The following GLB1L2 variants were observed in gnomAD, a reference collection of about 807,000 sequenced individuals.
The protein encoded by GLB1L2 is beta-galactosidase-1-like protein 2.
Under a neutral mutation model 84.1 loss-of-function variants are expected in GLB1L2, and 68 were observed. The observed-to-expected ratio is 0.81, with a 90% CI of 0.67 to 0.99. The LOEUF is 0.99. Ranked by LOEUF, GLB1L2 falls within the 50% of genes least tolerant of loss-of-function variation. The probability of loss-of-function intolerance (pLI) is 0.00; values close to 1 mark genes in which losing one functional copy is unlikely to be tolerated. For synonymous variants in GLB1L2, 290 were observed against 318.0 expected (o/e 0.91, Z 0.94); for missense variants, 762 against 805.6 (o/e 0.95, Z 0.66).
intron 8 of GLB1L2, 64 bp downstream of exon 8, chr11:134,364,462 C>A: frequency 7.7e-7 from 1 of 1,297,264 alleles, no homozygotes; most frequent in Admixed American, 1.8e-5. Context: ...ATTCTGAATG[C>A]CTGTCAGCGT....
chr11:134,374,809 G>T, intron 18 of GLB1L2, 91 bp downstream of exon 18: 2 of 1,213,024 alleles, frequency 1.6e-6, no homozygotes, highest in Non-Finnish European at 1.2e-6. Flanking sequence ...GGGCGTGTCA[G>T]CGGGTTCTTC....
chr11:134,336,247 G>A (rs565777100), intron 1 of GLB1L2, among the ~76,000 whole-genome samples: 14 of 152,212 alleles, frequency 9.2e-5, no homozygotes, highest in African/African-American at 3.4e-4. Context: ...AAGTTATTTT[G>A]TGAGTAGGCA....
chr11:134,373,117 G>T (rs1943978909), intron 15 of GLB1L2, among the ~76,000 whole-genome samples: 1 of 152,176 alleles, frequency 6.6e-6, no homozygotes. Flanking sequence ...GCCCTGCAAA[G>T]CCTCTCCACA....
In GLB1L2 at chr11:134,339,671, C is replaced by T. The variant is rs117959046; in HGVS notation, c.87-3083C>T. ...TGTGTTATAAAGACACTAGCAAAGA[C>T]AAGCTCTATCCAGGGAGGGAGTCTA... On this transcript the variant is annotated intron_variant, in intron 1 of 18. Coordinates refer to ENST00000535456, the MANE Select transcript of GLB1L2 (RefSeq NM_001370461.1). This position sits in a 1 kb window ranked among gnomAD's most constrained non-coding sequence, Gnocchi z 5.7. Among the ~76,000 whole-genome samples, 3,376 of 152,036 alleles carry T rather than the reference C, an allele frequency of 0.022. 61 individuals carry two copies. The highest frequency in any genetic ancestry group is 0.033 in the Non-Finnish European group (2,266 of 67,992).
At chr11:134,343,685 C>A (rs1943503663) in intron 2 of GLB1L2, among the ~76,000 whole-genome samples, 1 of 152,162 alleles carries the variant, frequency 6.6e-6, no homozygotes, top group African/African-American at 2.4e-5. Flanking sequence ...GACAACTTCC[C>A]CGAAAGGACT....
intron 5 of GLB1L2, among the ~76,000 whole-genome samples, chr11:134,349,723 C>G (rs991687638): frequency 2.0e-5 from 3 of 152,184 alleles, no homozygotes; most frequent in Admixed American, 6.5e-5. Flanking sequence ...TGGTCTTTTG[C>G]ATATCTTGGA....
intron 5 of GLB1L2, among the ~76,000 whole-genome samples, chr11:134,353,258 A>C (rs953867757): frequency 1.3e-5 from 2 of 151,984 alleles, no homozygotes; most frequent in Non-Finnish European, 2.9e-5. Flanking sequence ...AAAAATACAA[A>C]AATTAGCCAG....
chr11:134,332,411 G>T (rs1454902578), intron 1 of GLB1L2, among the ~76,000 whole-genome samples: 1 of 151,628 alleles, frequency 6.6e-6, no homozygotes, highest in Admixed American at 6.6e-5. Context: ...ACCCCGCCGC[G>T]CCTGTGACGC....
chr11:134,344,954 C>T (rs1416151625), intron 3 of GLB1L2, 80 bp from the exon 4 acceptor site: 4 of 1,488,716 alleles, frequency 2.7e-6, no homozygotes, highest in South Asian at 1.3e-5. Context: ...GGCAGCTCCT[C>T]CACCCTGTGA....
At chr11:134,351,801 G>A (rs905305278) in intron 5 of GLB1L2, among the ~76,000 whole-genome samples, 7 of 152,150 alleles carry the variant, frequency 4.6e-5, no homozygotes, top group East Asian at 1.9e-4. Flanking sequence ...CTGTTAGTCC[G>A]TGTTTTCTTT....
chr11:134,340,827 T>A (rs1237095765), intron 1 of GLB1L2, among the ~76,000 whole-genome samples: 1 of 152,238 alleles, frequency 6.6e-6, no homozygotes, highest in African/African-American at 2.4e-5. Context: ...TTTTTATGTG[T>A]CCCAAAATAT....
At chr11:134,365,803 C>G (rs1366680238) in intron 8 of GLB1L2, among the ~76,000 whole-genome samples, 1 of 152,166 alleles carries the variant, frequency 6.6e-6, no homozygotes, top group Non-Finnish European at 1.5e-5. Context: ...CAAGGGCTCT[C>G]TGAATGCACA....
intron 17 of GLB1L2, 31 bp from the exon 18 acceptor site, chr11:134,374,571 G>A: frequency 1.3e-6 from 2 of 1,546,506 alleles, no homozygotes; most frequent in South Asian, 1.1e-5. Flanking sequence ...GGCTCTCGTG[G>A]TAGATGAACA....
intron 15 of GLB1L2, chr11:134,372,712 G>A (rs1401749537): frequency 1.3e-5 from 2 of 152,222 alleles, no homozygotes; most frequent in Non-Finnish European, 2.9e-5. Flanking sequence ...AACTTGAAGA[G>A]CTCTTATTGG....
rs1943928856 is a variant in GLB1L2 at position 134,370,158 on chromosome 11, G to A, written c.1109-135G>A. ...TTCCTCCCTGGCCTCAGCAGGTGCT[G>A]AGAGCTAGCCTGTTGTTCCTCTTGG... On this transcript the variant is annotated intron_variant, in intron 11 of 18. Transcript: ENST00000535456. This position sits in a 1 kb window ranked among gnomAD's most constrained non-coding sequence, Gnocchi z 4.7. 80 of 816,034 alleles carry A rather than the reference G, an allele frequency of 9.8e-5. 6 individuals carry two copies. In the South Asian group the frequency reaches 1.2e-3, roughly 12 times the overall value. 50.5% of individuals were successfully genotyped at this position (816,034 alleles called of 1,614,324 possible).
chr11:134,332,555 C>T (rs528133354), intron 1 of GLB1L2, among the ~76,000 whole-genome samples: 3 of 152,286 alleles, frequency 2.0e-5, no homozygotes, highest in African/African-American at 7.2e-5. Flanking sequence ...CCTTTTCCTC[C>T]CAAGCCTCTG....
intron 1 of GLB1L2, among the ~76,000 whole-genome samples, chr11:134,332,925 C>T (rs1012331328): frequency 2.0e-5 from 3 of 152,238 alleles, no homozygotes; most frequent in African/African-American, 7.2e-5. Context: ...CAGGTCAGCA[C>T]TTTCCATATT....
chr11:134,367,283 G>A lies in GLB1L2; in HGVS notation c.831G>A (p.Glu277=). Residue 277 remains glutamate (E), a synonymous_variant, in exon 9 of 19, where the codon GAG becomes GAA. Transcript: ENST00000535456. ...GGACTCAGCCCAAGATGGTGATGGA[G>A]TACTGGACGGGGTGGTTTGACTCGT... The part of the protein sequence containing the change: ...VQGTQPKMVM[E]YWTGWFDSWG... 6.2e-7 allele frequency: 1 copy of A among 1,614,164 alleles called. No homozygotes were observed. Among genetic ancestry groups the A allele is most frequent in the Non-Finnish European group, 8.5e-7 (1 of 1,180,008 alleles).
At chr11:134,348,524 TAAA>T (rs1306880204) in intron 5 of GLB1L2, among the ~76,000 whole-genome samples, 1 of 152,172 alleles carries the variant, frequency 6.6e-6, no homozygotes, top group Non-Finnish European at 1.5e-5. Context: ...CTTTTTGAAA[TAAA>T]CGATAACATA....
Sources: gnomAD v4.1 joint callset for allele counts (sites outside exome capture counted in the v4.1 genomes callset) on GRCh38, gnomAD v4.1.1 for gene constraint, Gnocchi (gnomAD v3.1) non-coding constraint, MANE v1.5 for transcripts, NCBI Gene and HGNC (gene_info 2026-07-23, HGNC 2026-07-21) for gene names.